Variants in CLCA2 observed in about 807,000 individuals in gnomAD.
CLCA2 encodes the protein calcium-activated chloride channel regulator 2.
In CLCA2, 85 loss-of-function variants were observed where a neutral mutation model predicts 82.9. The observed-to-expected ratio is 1.03, with a 90% confidence interval of 0.86 to 1.23. The LOEUF (loss-of-function observed/expected upper bound fraction) is 1.23. Ranked by LOEUF, CLCA2 falls within the 50% of genes most tolerant of loss-of-function variation. The pLI, the probability that CLCA2 is intolerant of heterozygous loss-of-function variation, is 0.00. For missense variants in CLCA2, 1,089 were observed against 1,124.8 expected (o/e 0.97, Z 0.45); for synonymous variants, 421 against 391.7 (o/e 1.07, Z -0.88).
At chr1:86,436,439 C>T (rs1395786120) in intron 6 of CLCA2, among the ~76,000 whole-genome samples, 1 of 152,058 alleles carries the variant, frequency 6.6e-6, no homozygotes, top group Non-Finnish European at 1.5e-5. Flanking sequence ...ACCAGTATAC[C>T]ACTGTCTACT....
At position 86,455,489 on chromosome 1, in the gene CLCA2, A is replaced by G; in HGVS notation, c.2794A>G (p.Arg932Gly). The stretch of plus-strand genomic sequence containing the variant: ...ACATCATACTTTAAGCAGGAAAAAG[A>G]GAGCAGACAAGAAAGAGAATGGAAC... ...VTHHTLSRKK[R>G]ADKKENGTKL... is the part of the protein sequence containing the mutation. The change falls in exon 14 of 14, where the codon AGA (arginine) becomes GGA (glycine). Residue 932 changes from arginine (R) to glycine (G), a missense_variant. By Grantham distance (125) the Arg-to-Gly change is moderately radical. Transcript: ENST00000370565. 1 of 1,499,916 alleles carries G rather than the reference A, an allele frequency of 6.7e-7. No individual in the cohort carries two copies. The highest frequency in any genetic ancestry group is 8.9e-7 in the Non-Finnish European group (1 of 1,126,936). 92.9% of individuals were successfully genotyped at this position (1,499,916 alleles called of 1,614,324 possible).
At chr1:86,438,220 G>A (rs541408620) in intron 6 of CLCA2, among the ~76,000 whole-genome samples, 1 of 152,248 alleles carries the variant, frequency 6.6e-6, no homozygotes, top group Admixed American at 6.5e-5. Flanking sequence ...TTTTCCCAGA[G>A]CTTTCAAAAC....
Position 86,453,369 on chromosome 1 carries a change from G to A in CLCA2, c.2156G>A (p.Gly719Asp), listed in dbSNP as rs1360490929. ...CCTTTTTTTTTCTTTTTTGTCTCAGGTAATATTCAGATGAATGCTCCAAGG... is the reference window on the plus strand; with the variant it reads ...CCTTTTTTTTTCTTTTTTGTCTCAGATAATATTCAGATGAATGCTCCAAGG... ...AMYVPGYTAN[G>D]NIQMNAPRKS... Residue 719 changes from glycine to aspartate, a missense_variant and splice_region_variant, in exon 13 of 14, where the codon GGT becomes GAT. Gly to Asp is a moderately conservative substitution (Grantham distance 94, BLOSUM62 -1). Coordinates refer to ENST00000370565, the MANE Select transcript of CLCA2 (RefSeq NM_006536.7). The A allele has an allele frequency of 1.9e-6, 3 of 1,612,010 alleles. No homozygotes were observed. The highest frequency in any genetic ancestry group is 2.5e-6 in the Non-Finnish European group (3 of 1,178,612).
chr1:86,428,470 C>T lies in CLCA2; in HGVS notation c.377C>T (p.Thr126Ile). ...GGGGCACATGGAGATGATCCATACA[C>T]CCTACAATACAGAGGGTGTGGAAAA... ...WYGAHGDDPY[T>I]LQYRGCGKEG... Residue 126 changes from threonine to isoleucine, a missense_variant, in exon 3 of 14, where the codon ACC becomes ATC. Transcript: ENST00000370565. The T allele has an allele frequency of 6.2e-7, 1 of 1,613,338 alleles. No individual in the cohort carries two copies. The highest frequency in any genetic ancestry group is 1.1e-5 in the South Asian group (1 of 90,988).
At chr1:86,447,215 T>G (rs989031270) in intron 10 of CLCA2, among the ~76,000 whole-genome samples, 3 of 152,196 alleles carry the variant, frequency 2.0e-5, no homozygotes, top group Non-Finnish European at 4.4e-5. Flanking sequence ...ATTATTGTTA[T>G]GTTCTAAAAA....
At position 86,428,775 on chromosome 1, in the gene CLCA2, G is replaced by A. The variant is rs149229866; in HGVS notation, c.475+207G>A. Among the ~76,000 whole-genome samples, 50 of 152,278 alleles carry A rather than the reference G, an allele frequency of 3.3e-4. No individual in the cohort carries two copies. In the East Asian group the frequency reaches 9.5e-3, roughly 29 times the overall value. On this transcript the variant is annotated intron_variant, in intron 3 of 13. Coordinates refer to ENST00000370565, the MANE Select transcript of CLCA2 (RefSeq NM_006536.7). Reference sequence around the variant, plus strand: ...CACCAGATTAGTGGCCCAGAGAGGAGTGCTATAAGAATTCAATCAAGGAAA... The same window carrying A: ...CACCAGATTAGTGGCCCAGAGAGGAATGCTATAAGAATTCAATCAAGGAAA...
chr1:86,444,174 A>C (rs372186189), intron 10 of CLCA2, among the ~76,000 whole-genome samples, 163 bp downstream of exon 10: 5 of 152,248 alleles, frequency 3.3e-5, no homozygotes, highest in East Asian at 3.8e-4. Context: ...AAAATTTAAG[A>C]GGAATAACTA....
chr1:86,441,842 A>C (rs745622554), intron 9 of CLCA2, among the ~76,000 whole-genome samples: 21 of 152,184 alleles, frequency 1.4e-4, no homozygotes, highest in Non-Finnish European at 2.6e-4. Flanking sequence ...AAAAATAAGG[A>C]ACTGTGAATT....
chr1:86,430,343 TC>T (rs980369348), intron 3 of CLCA2, among the ~76,000 whole-genome samples: 4 of 152,170 alleles, frequency 2.6e-5, no homozygotes, highest in African/African-American at 9.7e-5. Flanking sequence ...TTCTGCAGTC[TC>T]CTTTTTTGCT....
At chr1:86,434,062 C>A (rs1204954213) in intron 5 of CLCA2, among the ~76,000 whole-genome samples, 1 of 152,016 alleles carries the variant, frequency 6.6e-6, no homozygotes, top group Admixed American at 6.6e-5. Flanking sequence ...TTACAGAGAT[C>A]AATATTTGAG....
intron 3 of CLCA2, among the ~76,000 whole-genome samples, chr1:86,430,284 A>G (rs781534025): frequency 3.3e-5 from 5 of 152,110 alleles, no homozygotes; most frequent in Admixed American, 6.5e-5. Context: ...AAACATGGAG[A>G]ATAAGGGATA....
At chr1:86,425,204 C>A in intron 1 of CLCA2, 135 bp from the exon 2 acceptor site, 2 of 508,974 alleles carry the variant, frequency 3.9e-6, no homozygotes, top group Middle Eastern at 6.4e-4. Context: ...TTCCCAAAGT[C>A]TAGGGCTTTC....
rs1558103135 is a variant in CLCA2, at chr1:86,430,905, G to A, written c.519G>A (p.Val173=). The change falls in exon 4 of 14, where the codon GTG becomes GTA. Residue 173 remains valine (V), a synonymous_variant. Transcript: ENST00000370565. ...VHEWAHLRWG[V]FDEYNNDKPF... ...AATGGGCCCACCTCCGTTGGGGTGT[G>A]TTCGATGAGTATAACAATGACAAAC... The A allele has an allele frequency of 1.2e-6, 2 of 1,613,886 alleles. No homozygotes were observed. Among genetic ancestry groups the A allele is most frequent in the Non-Finnish European group, 1.7e-6 (2 of 1,179,884 alleles).
chr1:86,446,216 C>CTTTTTTT (rs3086658), intron 10 of CLCA2, among the ~76,000 whole-genome samples: 3 of 108,520 alleles, frequency 2.8e-5, no homozygotes, highest in Non-Finnish European at 5.4e-5. Context: ...GCTGTGGGAA[C>CTTTTTTT]TTTTTTTTTT....
In CLCA2 at chr1:86,444,000, G is replaced by A. The variant is rs369718867; in HGVS notation, c.1702G>A (p.Gly568Arg). Residue 568 changes from glycine (G) to arginine (R), a missense_variant, in exon 10 of 14, where the codon GGA (glycine) becomes AGA (arginine). By Grantham distance (125) the Gly-to-Arg change is moderately radical. Coordinates refer to ENST00000370565, the MANE Select transcript of CLCA2 (RefSeq NM_006536.7). ...TFRTASLWIP[G>R]TAKPGHWTYT... ...TCGGACAGCTAGTCTTTGGATTCCAGGAACAGCTAAGGTAGGTGTTGTGAG... is the reference window on the plus strand; with the variant it reads ...TCGGACAGCTAGTCTTTGGATTCCAAGAACAGCTAAGGTAGGTGTTGTGAG... 2 of 1,607,030 alleles carry A rather than the reference G, an allele frequency of 1.2e-6. No individual in the cohort carries two copies. The highest frequency in any genetic ancestry group is 8.5e-7 in the Non-Finnish European group (1 of 1,173,806).
intron 9 of CLCA2, 78 bp downstream of exon 9, chr1:86,441,621 G>C: frequency 1.1e-6 from 1 of 921,234 alleles, no homozygotes; most frequent in Non-Finnish European, 1.7e-6. Context: ...AACGAATTGT[G>C]CTACCTGCTT....
chr1:86,444,022 TGA>T lies in CLCA2; in HGVS notation c.1713+13_1713+14del. 1.3e-6 allele frequency: 2 copies of T among 1,552,818 alleles called. No individual in the cohort carries two copies. The highest frequency in any genetic ancestry group is 1.8e-6 in the Non-Finnish European group (2 of 1,124,802). On this transcript the variant is annotated intron_variant, in intron 10 of 13. Coordinates refer to ENST00000370565, the MANE Select transcript of CLCA2 (RefSeq NM_006536.7). ...CCAGGAACAGCTAAGGTAGGTGTTG[TGA>T]GTTTGTTCCTAAGGACAACGTTCAA... is the stretch of plus-strand genomic sequence containing the variant.
At chr1:86,426,139 ACACT>A (rs546448620) in intron 2 of CLCA2, among the ~76,000 whole-genome samples, 1 of 152,268 alleles carries the variant, frequency 6.6e-6, no homozygotes, top group African/African-American at 2.4e-5. Flanking sequence ...ACTAGTGTGC[ACACT>A]ATAAATAAAT....
In CLCA2 at chr1:86,440,279, G is replaced by A; in HGVS notation, c.1335G>A (p.Leu445=). The change falls in exon 8 of 14, where the codon CTG becomes CTA. Residue 445 remains leucine, a synonymous_variant. Transcript: ENST00000370565. ...GTTCAACAATTCACTCCATTGCCCT[G>A]GGTTCATCTGCAGCCCCAAATCTGG... The part of the protein sequence containing the change: ...SSGSTIHSIA[L]GSSAAPNLEE... The A allele has an allele frequency of 6.2e-7, 1 of 1,613,980 alleles. No individual in the cohort carries two copies. Among genetic ancestry groups the A allele is most frequent in the Non-Finnish European group, 8.5e-7 (1 of 1,179,970 alleles).
Sources: gnomAD v4.1 joint callset for allele counts (sites outside exome capture counted in the v4.1 genomes callset) on GRCh38, gnomAD v4.1.1 for gene constraint, MANE v1.5 for transcripts, NCBI Gene and HGNC (gene_info 2026-07-23, HGNC 2026-07-21) for gene names.